The following CLNK variants were observed in gnomAD, a reference collection of about 807,000 sequenced individuals.
CLNK encodes the protein cytokine dependent hematopoietic cell linker, also known as cytokine-dependent hematopoietic cell linker.
Under a neutral mutation model 68.6 loss-of-function variants are expected in CLNK, and 74 were observed. That is an observed-to-expected ratio of 1.08 (90% CI 0.89 to 1.31). The LOEUF is 1.31. Among genes scored for constraint, CLNK ranks in the 50% most tolerant of loss-of-function variants. The pLI is 0.00. For missense variants in CLNK, 553 were observed against 515.3 expected (o/e 1.07, Z -0.71); for synonymous variants, 198 against 172.2 (o/e 1.15, Z -1.17).
the CLNK span, among the ~76,000 whole-genome samples, chr4:10,693,574 C>T: frequency 5.9e-5 from 9 of 152,176 alleles, no homozygotes; most frequent in Non-Finnish European, 8.8e-5. Flanking sequence ...CAGCCCTGCC[C>T]ACACCTTGAT....
rs750868016 is a variant in CLNK, at chr4:10,490,437, C to T, written c.*30G>A. On this transcript the variant is annotated 3_prime_UTR_variant, in exon 19 of 19. Transcript: ENST00000226951. ...ATGAAAACAATGGAAGCGCTGAATC[C>T]AGTAAACCAAAGATAACACAAAGAC... The T allele has an allele frequency of 5.0e-6, 8 of 1,605,362 alleles. No individual in the cohort carries two copies. The highest frequency in any genetic ancestry group is 6.8e-6 in the Non-Finnish European group (8 of 1,176,860).
At chr4:10,731,543 C>G in the CLNK span, among the ~76,000 whole-genome samples, 1 of 152,206 alleles carries the variant, frequency 6.6e-6, no homozygotes, top group Non-Finnish European at 1.5e-5. Context: ...AAGAGGAACT[C>G]TCTTTCATCT....
chr4:10,615,741 A>G (rs2108857216), intron 2 of CLNK, among the ~76,000 whole-genome samples: 1 of 152,308 alleles, frequency 6.6e-6, no homozygotes, highest in African/African-American at 2.4e-5. Flanking sequence ...ATGAAGGTAA[A>G]ATAACCTTGA....
intron 17 of CLNK, among the ~76,000 whole-genome samples, chr4:10,505,866 G>C (rs11734599): frequency 0.23 from 34,321 of 152,112 alleles, 4,316 homozygotes; most frequent in Admixed American, 0.28. Context: ...AACATCTTTG[G>C]GGGGGCATGA....
chr4:10,678,297 C>T (rs796557576), intron 1 of CLNK, among the ~76,000 whole-genome samples: 1 of 152,092 alleles, frequency 6.6e-6, no homozygotes, highest in African/African-American at 2.4e-5. Context: ...ATTTTGAAGA[C>T]CAAGTAAGAT....
intron 2 of CLNK, among the ~76,000 whole-genome samples, chr4:10,652,820 C>T (rs1723805344): frequency 1.3e-5 from 2 of 152,176 alleles, no homozygotes; most frequent in African/African-American, 2.4e-5. Flanking sequence ...TATCTACCTT[C>T]TTTTCATGCA....
At chr4:10,566,465 T>C (rs2108824127) in intron 5 of CLNK, among the ~76,000 whole-genome samples, 1 of 152,312 alleles carries the variant, frequency 6.6e-6, no homozygotes, top group East Asian at 1.9e-4. Context: ...ATTACCTGGG[T>C]GGGCCCAATG....
intron 2 of CLNK, among the ~76,000 whole-genome samples, chr4:10,659,859 A>C (rs535937298): frequency 6.6e-6 from 1 of 152,352 alleles, no homozygotes; most frequent in African/African-American, 2.4e-5. Context: ...ATTAATTAAA[A>C]ACTTTTGGCA....
chr4:10,724,832 T>G, the CLNK span, among the ~76,000 whole-genome samples: 2 of 152,190 alleles, frequency 1.3e-5, no homozygotes, highest in African/African-American at 4.8e-5. Flanking sequence ...GGAAGGGAAC[T>G]TCCCCTTCTC....
At chr4:10,706,026 C>G in the CLNK span, among the ~76,000 whole-genome samples, 1 of 152,216 alleles carries the variant, frequency 6.6e-6, no homozygotes, top group Non-Finnish European at 1.5e-5. Flanking sequence ...GCAGCTCTGT[C>G]TGAAGACAGA....
intron 8 of CLNK, among the ~76,000 whole-genome samples, chr4:10,553,746 G>C (rs1437705319): frequency 6.6e-6 from 1 of 152,186 alleles, no homozygotes; most frequent in Non-Finnish European, 1.5e-5. Context: ...GAGCCACCGC[G>C]CTTGGCCTTC....
chr4:10,539,360 A>G (rs906831585), intron 11 of CLNK, among the ~76,000 whole-genome samples: 1 of 152,234 alleles, frequency 6.6e-6, no homozygotes, highest in African/African-American at 2.4e-5. Context: ...AATGTTCCCC[A>G]TTAGAATCAG....
At position 10,571,630 on chromosome 4, in the gene CLNK, G is replaced by A. The variant is rs1014639593; in HGVS notation, c.150+111C>T. ...GGATTACAGGTGTGAACCACTGCAC[G>A]CAGCCTGTTACTGTTGATTTTTAAA... On this transcript the variant is annotated intron_variant, in intron 5 of 18. Transcript: ENST00000226951. The A allele has an allele frequency of 4.2e-5, 36 of 866,144 alleles. 1 individual carries two copies. Among genetic ancestry groups the A allele is most frequent in the South Asian group, 2.4e-4 (16 of 67,454 alleles). 53.7% of individuals were successfully genotyped at this position (866,144 alleles called of 1,614,324 possible). A position where few individuals can be genotyped will look rare whatever the true frequency, so the allele number is the denominator to read the frequency against.
At chr4:10,728,217 C>T in the CLNK span, among the ~76,000 whole-genome samples, 1 of 152,154 alleles carries the variant, frequency 6.6e-6, no homozygotes, top group African/African-American at 2.4e-5. Flanking sequence ...AGTGATGACA[C>T]TGAGAAACCA....
At chr4:10,571,863 G>T in intron 4 of CLNK, 85 bp from the exon 5 acceptor site, 1 of 1,051,524 alleles carries the variant, frequency 9.5e-7, no homozygotes, top group Non-Finnish European at 1.4e-6. Flanking sequence ...TTTTTCTCCA[G>T]AAATCTTTTG....
intron 17 of CLNK, among the ~76,000 whole-genome samples, chr4:10,503,524 AT>A (rs1717145843): frequency 1.3e-5 from 2 of 148,704 alleles, no homozygotes; most frequent in South Asian, 4.2e-4. Flanking sequence ...ATAATAATAA[AT>A]TATGATATAT....
At chr4:10,551,300 A>C (rs1341781269) in intron 8 of CLNK, among the ~76,000 whole-genome samples, 1 of 152,116 alleles carries the variant, frequency 6.6e-6, no homozygotes, top group Non-Finnish European at 1.5e-5. Flanking sequence ...GCTGGAGTGC[A>C]GTGGTGTGGT....
intron 12 of CLNK, among the ~76,000 whole-genome samples, chr4:10,531,139 C>T (rs946264294): frequency 1.3e-5 from 2 of 152,180 alleles, no homozygotes; most frequent in African/African-American, 2.4e-5. Context: ...AACACAAAGA[C>T]AAGAACAAAA....
chr4:10,548,359 T>C (rs1719317711), intron 8 of CLNK, among the ~76,000 whole-genome samples: 4 of 152,248 alleles, frequency 2.6e-5, no homozygotes, highest in African/African-American at 9.6e-5. Flanking sequence ...TCACTCATTT[T>C]TTAGCTCTTC....
Sources: gnomAD v4.1 joint callset for allele counts (sites outside exome capture counted in the v4.1 genomes callset) on GRCh38, gnomAD v4.1.1 for gene constraint, MANE v1.5 for transcripts, NCBI Gene and HGNC (gene_info 2026-07-23, HGNC 2026-07-21) for gene names.